The following CNOT6L variants were observed in gnomAD, a reference collection of about 807,000 sequenced individuals.
CNOT6L encodes the protein CCR4-NOT transcription complex subunit 6-like.
A neutral mutation model predicts 64.0 loss-of-function variants in CNOT6L; 7 were observed. The observed-to-expected ratio is 0.11, with a 90% CI of 0.06 to 0.21. CNOT6L has a LOEUF of 0.21. Among genes scored for constraint, CNOT6L ranks in the 10% least tolerant of loss-of-function variants. The pLI is 1.00. For missense variants in CNOT6L, 245 were observed against 669.0 expected, an observed-to-expected ratio of 0.37 and a Z score of 6.99; for synonymous variants, 193 against 243.4, an observed-to-expected ratio of 0.79 and a Z score of 1.93.
intron 6 of CNOT6L, among the ~76,000 whole-genome samples, chr4:77,747,863 C>A (rs1724384003): frequency 6.6e-6 from 1 of 152,154 alleles, no homozygotes; most frequent in African/African-American, 2.4e-5. Flanking sequence ...CATTATTCTT[C>A]CATAAATGTT....
At chr4:77,760,949 C>G (rs1457720265) in intron 4 of CNOT6L, among the ~76,000 whole-genome samples, 1 of 141,348 alleles carries the variant, frequency 7.1e-6, no homozygotes, top group Non-Finnish European at 1.5e-5. Context: ...ATCTCCTGAC[C>G]TCGTCATCTG....
intron 4 of CNOT6L, among the ~76,000 whole-genome samples, chr4:77,761,052 A>C (rs537934438): frequency 1.3e-5 from 2 of 151,486 alleles, no homozygotes. Flanking sequence ...TATGTGTGTA[A>C]ATTTAACAAC....
chr4:77,746,214 A>T (rs981977268), intron 6 of CNOT6L, among the ~76,000 whole-genome samples: 4 of 152,184 alleles, frequency 2.6e-5, no homozygotes, highest in Admixed American at 1.3e-4. Context: ...TGCAATTTTT[A>T]TAATATAGCC....
chr4:77,779,052 AAAAAAAAAAAC>A (rs1418724305), intron 1 of CNOT6L, among the ~76,000 whole-genome samples: 1 of 98,764 alleles, frequency 1.0e-5, no homozygotes, highest in African/African-American at 3.6e-5. Flanking sequence ...GTCTCAAAAA[AAAAAAAAAAAC>A]AAAAAAAAAA....
At chr4:77,784,296 T>C (rs2110089439) in intron 1 of CNOT6L, among the ~76,000 whole-genome samples, 1 of 152,128 alleles carries the variant, frequency 6.6e-6, no homozygotes, top group Admixed American at 6.5e-5. Flanking sequence ...AGACCTGGGG[T>C]TATAAATCAA....
At position 77,774,740 on chromosome 4, in the gene CNOT6L, T is replaced by TA. The variant is rs200163056; in HGVS notation, c.128-25dup. 2,562 of 1,450,296 alleles carry TA rather than the reference T, an allele frequency of 1.8e-3. 12 individuals are homozygous for TA. Among genetic ancestry groups the TA allele is most frequent in the African/African-American group, 0.017 (1,181 of 68,564 alleles). 89.8% of individuals were successfully genotyped at this position (1,450,296 alleles called of 1,614,324 possible). Reference sequence around the variant, plus strand: ...ACCTAAAAGGCAAAATACTGAAGTGTAAAAAAAAACCCCAGGCCCAAGATG... The same window carrying TA: ...ACCTAAAAGGCAAAATACTGAAGTGTAAAAAAAAAACCCCAGGCCCAAGATG... On this transcript the variant is annotated intron_variant, in intron 2 of 11. Coordinates refer to ENST00000504123, the MANE Select transcript of CNOT6L (RefSeq NM_144571.3).
chr4:77,717,090 A>G lies in CNOT6L; in HGVS notation c.*3341T>C, dbSNP rs1720824972. ...AACAGATTTACTATATCTGAATTCT[A>G]AAAAGTTGCCTATAGAATGGTGCTG... On this transcript the variant is annotated 3_prime_UTR_variant, in exon 12 of 12. Coordinates refer to ENST00000504123, the MANE Select transcript of CNOT6L (RefSeq NM_144571.3). 4 of 152,652 alleles carry G rather than the reference A, an allele frequency of 2.6e-5. No homozygotes were observed. Among genetic ancestry groups the G allele is most frequent in the Admixed American group, 2.0e-4 (3 of 15,256 alleles). 9.5% of individuals were successfully genotyped at this position (152,652 alleles called of 1,614,324 possible).
intron 1 of CNOT6L, chr4:77,818,924 G>T (rs763144064): frequency 8.3e-6 from 5 of 601,544 alleles, no homozygotes; most frequent in South Asian, 6.3e-5. Flanking sequence ...CCGCGCGTGT[G>T]CCGCACTCAC....
chr4:77,732,032 G>A lies in CNOT6L; in HGVS notation c.873-494C>T, dbSNP rs1358866864. Among the ~76,000 whole-genome samples the A allele has an allele frequency of 2.0e-5, 3 of 152,192 alleles. No homozygotes were observed. The East Asian group carries it at 5.8e-4, about 29-fold the overall frequency. ...AGAATACAATCCACCTACCCTGTTT[G>A]TAGTTTTATTTCTACCACATCAAGA... On this transcript the variant is annotated intron_variant, in intron 8 of 11. Coordinates refer to ENST00000504123, the MANE Select transcript of CNOT6L (RefSeq NM_144571.3).
chr4:77,767,284 C>A (rs1726956297), intron 4 of CNOT6L, among the ~76,000 whole-genome samples: 1 of 151,960 alleles, frequency 6.6e-6, no homozygotes, highest in Non-Finnish European at 1.5e-5. Flanking sequence ...CTAAATTGAT[C>A]CAGACAGTCA....
intron 1 of CNOT6L, among the ~76,000 whole-genome samples, chr4:77,778,748 A>G (rs1728450658): frequency 6.6e-6 from 1 of 151,474 alleles, no homozygotes; most frequent in Non-Finnish European, 1.5e-5. Context: ...GATCATTTTT[A>G]TAAAACACAG....
chr4:77,781,461 AAAATTT>A (rs1183996596), intron 1 of CNOT6L, among the ~76,000 whole-genome samples: 10 of 152,234 alleles, frequency 6.6e-5, no homozygotes, highest in Admixed American at 5.9e-4. Context: ...TTTGCACAGA[AAAATTT>A]AAATTTAGAG....
chr4:77,807,899 AAAT>A (rs1247273479), intron 1 of CNOT6L, among the ~76,000 whole-genome samples: 2 of 152,192 alleles, frequency 1.3e-5, no homozygotes, highest in Non-Finnish European at 2.9e-5. Context: ...TGTGAAGTAG[AAAT>A]AATATCAACT....
At position 77,763,985 on chromosome 4, in the gene CNOT6L, C is replaced by G. The variant is rs1726529184; in HGVS notation, c.401-7034G>C. The stretch of plus-strand genomic sequence containing the variant: ...TGTATGCAACAAAAAAGTAGCCAAA[C>G]AGGCAAAGCTGTAGCCTTAAATGCT... On this transcript the variant is annotated intron_variant, in intron 4 of 11. Transcript: ENST00000504123. Among the ~76,000 whole-genome samples, 4 of 152,312 alleles carry G rather than the reference C, an allele frequency of 2.6e-5. No homozygotes were observed. The South Asian group carries it at 8.3e-4, about 32-fold the overall frequency.
intron 4 of CNOT6L, among the ~76,000 whole-genome samples, chr4:77,758,710 T>C (rs1725839982): frequency 1.3e-5 from 2 of 152,138 alleles, no homozygotes; most frequent in African/African-American, 4.8e-5. Flanking sequence ...AGTTAAAAAC[T>C]CCAAGAGGGC....
At chr4:77,736,897 T>C (rs1723008205) in intron 8 of CNOT6L, among the ~76,000 whole-genome samples, 1 of 152,070 alleles carries the variant, frequency 6.6e-6, no homozygotes, top group African/African-American at 2.4e-5. Context: ...GACCAAAAAA[T>C]CCCCTTATAT....
intron 8 of CNOT6L, among the ~76,000 whole-genome samples, chr4:77,737,860 G>T (rs1014518555): frequency 6.6e-6 from 1 of 152,070 alleles, no homozygotes; most frequent in African/African-American, 2.4e-5. Context: ...GATCCAGGTT[G>T]AATAGAAATT....
intron 5 of CNOT6L, 143 bp from the exon 6 acceptor site, chr4:77,748,527 G>T (rs1724459835): frequency 3.2e-6 from 2 of 631,106 alleles, no homozygotes; most frequent in Non-Finnish European, 5.6e-6. Context: ...ATTTAATGAA[G>T]ATTAAGGAGC....
Position 77,714,616 on chromosome 4 carries a change from C to T in CNOT6L, c.*5815G>A, listed in dbSNP as rs925458153. The stretch of plus-strand genomic sequence containing the variant: ...AAAGTTGTTTGCATTTGGACAACAA[C>T]TGTACGAATGCCCATAGTGCACATC... On this transcript the variant is annotated 3_prime_UTR_variant, in exon 12 of 12. Transcript: ENST00000504123. 3 of 152,614 alleles carry T rather than the reference C, an allele frequency of 2.0e-5. No homozygotes were observed. The highest frequency in any genetic ancestry group is 7.2e-5 in the African/African-American group (3 of 41,540). 9.5% of individuals were successfully genotyped at this position (152,614 alleles called of 1,614,324 possible). A position where few individuals can be genotyped will look rare whatever the true frequency, so the allele number is the denominator to read the frequency against.
Sources: gnomAD v4.1 joint callset for allele counts (sites outside exome capture counted in the v4.1 genomes callset) on GRCh38, gnomAD v4.1.1 for gene constraint, MANE v1.5 for transcripts, NCBI Gene and HGNC (gene_info 2026-07-23, HGNC 2026-07-21) for gene names.